The following ATXN2 variants were observed in gnomAD, a reference collection of about 807,000 sequenced individuals.
ATXN2 encodes the protein ataxin-2.
ATXN2 carries 37 observed loss-of-function variants against 138.6 expected under a neutral mutation model. That is an observed-to-expected ratio of 0.27 (90% CI 0.21 to 0.35). The LOEUF is 0.35. ATXN2 is among the 10% of genes least tolerant of loss of function. ATXN2 has a pLI of 1.00. For missense variants in ATXN2, 1,216 were observed against 1,480.3 expected (o/e 0.82, Z 2.93); for synonymous variants, 549 against 543.7 (o/e 1.01, Z -0.13).
At chr12:111,581,627 T>A in intron 1 of ATXN2, 1 of 778,052 alleles carries the variant, frequency 1.3e-6, no homozygotes, top group Non-Finnish European at 2.4e-6. Context: ...CTCCGTGAAG[T>A]CTAGGGACAA....
rs145250035 is a variant in ATXN2 at position 111,485,488 on chromosome 12, G to C, written c.2458-157C>G. Reference sequence around the variant, plus strand: ...AATTAGATCATACCCACAGCTAAAAGGAACAAACCCCAAACTACAGTAAAT... The same window carrying C: ...AATTAGATCATACCCACAGCTAAAACGAACAAACCCCAAACTACAGTAAAT... On this transcript the variant is annotated intron_variant, in intron 17 of 24. Transcript: ENST00000673436. Among the ~76,000 whole-genome samples the C allele has an allele frequency of 3.3e-5, 5 of 152,250 alleles. No individual in the cohort carries two copies. The East Asian group carries it at 9.6e-4, about 29-fold the overall frequency.
chr12:111,500,905 A>G (rs756249878), intron 14 of ATXN2, among the ~76,000 whole-genome samples: 3 of 152,318 alleles, frequency 2.0e-5, no homozygotes, highest in Admixed American at 6.5e-5. Flanking sequence ...TAAAATTTAA[A>G]AAGTTAAATA....
intron 14 of ATXN2, among the ~76,000 whole-genome samples, chr12:111,500,213 G>A (rs751173648): frequency 7.9e-5 from 12 of 152,240 alleles, no homozygotes; most frequent in Middle Eastern, 6.8e-3. Flanking sequence ...ATCAACCTAC[G>A]TGTCCACTGA....
rs781726537 is a variant in ATXN2, at chr12:111,488,775, C to T, written c.1941G>A (p.Gln647=). 9 of 1,600,240 alleles carry T rather than the reference C, an allele frequency of 5.6e-6. No individual in the cohort carries two copies. In the Admixed American group the frequency reaches 1.5e-4, roughly 27 times the overall value. The change falls in exon 15 of 25, where the codon CAG becomes CAA. Residue 647 remains glutamine (Q), a synonymous_variant. Transcript: ENST00000673436. ...LKKFKNDFRL[Q]PSSTSESMDQ... Reference sequence around the variant, plus strand: ...CCATAGATTCAGAAGTAGAACTTGGCTGTAACTAAATAAAGGAAACAATTA... The same window carrying T: ...CCATAGATTCAGAAGTAGAACTTGGTTGTAACTAAATAAAGGAAACAATTA...
chr12:111,517,081 C>T (rs1879899437), intron 9 of ATXN2, among the ~76,000 whole-genome samples: 1 of 152,130 alleles, frequency 6.6e-6, no homozygotes, highest in Non-Finnish European at 1.5e-5. Flanking sequence ...TAAGCGACTG[C>T]TTAATAAATA....
intron 14 of ATXN2, among the ~76,000 whole-genome samples, chr12:111,503,854 T>C (rs966173318): frequency 6.6e-6 from 1 of 151,560 alleles, no homozygotes; most frequent in African/African-American, 2.4e-5. Flanking sequence ...CCTCCCAAAG[T>C]GTTAGGATTA....
chr12:111,595,398 T>C (rs1349140733), intron 1 of ATXN2, among the ~76,000 whole-genome samples: 1 of 152,160 alleles, frequency 6.6e-6, no homozygotes, highest in Non-Finnish European at 1.5e-5. Context: ...TCCCAGCACT[T>C]TGGGAGGCCG....
chr12:111,555,356 A>G (rs1882332735), intron 2 of ATXN2, among the ~76,000 whole-genome samples: 2 of 152,158 alleles, frequency 1.3e-5, no homozygotes, highest in Non-Finnish European at 1.5e-5. Context: ...CCCCACCCAA[A>G]TCTTATCTTT....
At chr12:111,512,272 T>C (rs1029653166) in intron 11 of ATXN2, among the ~76,000 whole-genome samples, 3 of 151,946 alleles carry the variant, frequency 2.0e-5, no homozygotes, top group African/African-American at 7.3e-5. Flanking sequence ...TTTTAAAGGT[T>C]CTCTGGACTG....
intron 18 of ATXN2, among the ~76,000 whole-genome samples, chr12:111,474,063 A>G (rs1413537474): frequency 6.6e-6 from 1 of 152,216 alleles, no homozygotes; most frequent in Non-Finnish European, 1.5e-5. Flanking sequence ...TCTACAAAAA[A>G]TACAAAAATT....
intron 5 of ATXN2, among the ~76,000 whole-genome samples, chr12:111,527,757 T>A (rs185354750): frequency 4.6e-5 from 7 of 152,304 alleles, no homozygotes; most frequent in African/African-American, 9.6e-5. Flanking sequence ...CTCTAAGAGA[T>A]TCTAAGAGAC....
At chr12:111,588,090 G>A (rs12308744) in intron 1 of ATXN2, among the ~76,000 whole-genome samples, 15,309 of 151,954 alleles carry the variant, frequency 0.1, 2,575 homozygotes, top group African/African-American at 0.35. Context: ...GGGAGGCTGA[G>A]GTGGGAGGAT....
At chr12:111,493,052 C>T (rs1229181431) in intron 14 of ATXN2, among the ~76,000 whole-genome samples, 1 of 152,048 alleles carries the variant, frequency 6.6e-6, no homozygotes, top group African/African-American at 2.4e-5. Flanking sequence ...CTGAAAAATG[C>T]ATCAGTCTCT....
chr12:111,537,070 C>G (rs577298394), intron 5 of ATXN2, among the ~76,000 whole-genome samples: 1 of 152,000 alleles, frequency 6.6e-6, no homozygotes, highest in African/African-American at 2.4e-5. Context: ...GAGGCATGAG[C>G]CACCACACCC....
At chr12:111,599,520 G>T (rs1381593658), upstream of ATXN2, 28 of 1,212,188 alleles carry the variant, frequency 2.3e-5, no homozygotes, top group Non-Finnish European at 2.8e-5. Flanking sequence ...CGCATCGGAG[G>T]GCGGGCGCGC....
chr12:111,456,163 A>C lies in ATXN2; in HGVS notation c.3136T>G (p.Ser1046Ala), dbSNP rs1422758221. 2.5e-6 allele frequency: 4 copies of C among 1,614,078 alleles called. No homozygotes were observed. The highest frequency in any genetic ancestry group is 3.4e-6 in the Non-Finnish European group (4 of 1,180,050). ...YHAGLAPTPP[S>A]MTPASNTQSP... The stretch of plus-strand genomic sequence containing the variant: ...TGCGTGTTGGAGGCAGGTGTCATGG[A>C]GGGTGGAGTTGGCGCAAGCCCCGCG... Residue 1046 changes from serine (S) to alanine (A), a missense_variant, in exon 23 of 25, where the codon TCC (serine) becomes GCC (alanine). Physicochemically the swap from Ser to Ala is moderately conservative, Grantham distance 99. Around this residue, in one of 4 missense-constraint regions of ATXN2, gnomAD observed 490 missense variants for 653.5 expected, o/e 0.75. Coordinates refer to ENST00000673436, the MANE Select transcript of ATXN2 (RefSeq NM_001372574.1).
At chr12:111,544,888 G>A (rs1029082915) in intron 5 of ATXN2, among the ~76,000 whole-genome samples, 24 of 152,142 alleles carry the variant, frequency 1.6e-4, no homozygotes, top group Admixed American at 1.3e-3. Flanking sequence ...GGCCCAGTGC[G>A]GTGGCTCATG....
At chr12:111,569,377 A>G (rs772639620) in intron 1 of ATXN2, among the ~76,000 whole-genome samples, 5 of 152,200 alleles carry the variant, frequency 3.3e-5, no homozygotes, top group Admixed American at 6.6e-5. Context: ...TAAGTGTTTA[A>G]TAACTGCTAG....
rs558555533 is a variant in ATXN2, at chr12:111,494,573, G to A, written c.1936-5793C>T. 7.8e-4 allele frequency among the ~76,000 whole-genome samples: 119 copies of A among 151,988 alleles called. 1 individual carries two copies. The highest frequency in any genetic ancestry group is 6.8e-3 in the Admixed American group (104 of 15,264). ...CCTGAGTATCTGAGATTACAGGCACGTGCCTCCACGCCTGGCTAAGTTTTG... is the reference window on the plus strand; with the variant it reads ...CCTGAGTATCTGAGATTACAGGCACATGCCTCCACGCCTGGCTAAGTTTTG... On this transcript the variant is annotated intron_variant, in intron 14 of 24. Coordinates refer to ENST00000673436, the MANE Select transcript of ATXN2 (RefSeq NM_001372574.1).
Sources: allele counts gnomAD v4.1 joint callset (sites outside exome capture counted in the v4.1 genomes callset), GRCh38; gene constraint gnomAD v4.1.1; regional missense constraint gnomAD v4.1.1; transcripts MANE v1.5; gene names NCBI Gene and HGNC (gene_info 2026-07-23, HGNC 2026-07-21).